Variants in P2RY12 observed in about 807,000 individuals in gnomAD.
P2RY12 encodes purinergic receptor P2Y12, also known as P2Y purinoceptor 12.
Under a neutral mutation model 4.5 loss-of-function variants are expected in P2RY12, and 3 were observed. The observed-to-expected ratio is 0.67, with a 90% CI of 0.31 to 1.74. The LOEUF is 1.74. Ranked by LOEUF, P2RY12 falls within the 40% of genes most tolerant of loss-of-function variation. P2RY12 has a pLI of 0.09. For synonymous variants in P2RY12, 148 were observed against 154.1 expected (o/e 0.96, Z 0.29); for missense variants, 356 against 407.8 (o/e 0.87, Z 1.09).
chr3:151,347,488 C>A (rs912789005), intron 1 of P2RY12, among the ~76,000 whole-genome samples: 23 of 152,302 alleles, frequency 1.5e-4, no homozygotes, highest in Admixed American at 5.2e-4. Context: ...AAGTCTACTT[C>A]CCCTCCTTCT....
At chr3:151,382,491 G>C (rs533285281) in intron 1 of P2RY12, among the ~76,000 whole-genome samples, 1 of 152,100 alleles carries the variant, frequency 6.6e-6, no homozygotes, top group East Asian at 1.9e-4. Flanking sequence ...TAAATAGCCA[G>C]ATTTCTTTCT....
chr3:151,338,021 A>T lies in P2RY12; in HGVS notation c.825T>A (p.Thr275=), dbSNP rs371436740. The T allele has an allele frequency of 6.2e-7, 1 of 1,614,048 alleles. No individual in the cohort carries two copies. Among genetic ancestry groups the T allele is most frequent in the Admixed American group, 1.7e-5 (1 of 59,988 alleles). ...GAGTGCTCTCTTTCACATAGAACAG[A>T]GTATTTTCAGCAGTGCAGTCAAAGA... The part of the protein sequence containing the change: ...RDVFDCTAEN[T]LFYVKESTLW... The change falls in exon 3 of 3, where the codon ACT becomes ACA. Residue 275 remains threonine, a synonymous_variant. Transcript: ENST00000302632.
At chr3:151,369,012 C>A (rs568338881) in intron 1 of P2RY12, among the ~76,000 whole-genome samples, 3 of 152,138 alleles carry the variant, frequency 2.0e-5, no homozygotes, top group African/African-American at 7.2e-5. Flanking sequence ...CCACCTGCCT[C>A]GGCCTCCCAA....
intron 1 of P2RY12, among the ~76,000 whole-genome samples, chr3:151,341,205 C>T (rs1258650414): frequency 6.6e-6 from 1 of 151,782 alleles, no homozygotes; most frequent in Non-Finnish European, 1.5e-5. Context: ...AGTCTCTGGC[C>T]CTTTGTTTTT....
intron 1 of P2RY12, among the ~76,000 whole-genome samples, chr3:151,362,372 T>A (rs1754718641): frequency 6.6e-6 from 1 of 152,078 alleles, no homozygotes; most frequent in Non-Finnish European, 1.5e-5. Flanking sequence ...CCTCTGTTTA[T>A]TGTGGCCACA....
intron 1 of P2RY12, among the ~76,000 whole-genome samples, chr3:151,371,055 G>A (rs1474961523): frequency 1.3e-5 from 2 of 152,230 alleles, no homozygotes; most frequent in African/African-American, 4.8e-5. Flanking sequence ...GCCTGGCACA[G>A]ACTCTCATAC....
intron 1 of P2RY12, chr3:151,384,268 A>C (rs1258035849): frequency 1.3e-6 from 2 of 1,517,906 alleles, no homozygotes; most frequent in East Asian, 2.3e-5. Flanking sequence ...TTATGGATTT[A>C]TTATCTAGTG....
chr3:151,366,467 G>A (rs754030806), intron 1 of P2RY12, among the ~76,000 whole-genome samples: 11 of 152,144 alleles, frequency 7.2e-5, no homozygotes, highest in East Asian at 3.8e-4. Flanking sequence ...GAGGATGTCC[G>A]GTGTTTTTTG....
At chr3:151,380,650 G>A (rs1012183531) in intron 1 of P2RY12, among the ~76,000 whole-genome samples, 14 of 150,434 alleles carry the variant, frequency 9.3e-5, no homozygotes, top group South Asian at 2.1e-4. Context: ...TTGAGTAGAC[G>A]CTGAGAAACA....
intron 1 of P2RY12, among the ~76,000 whole-genome samples, chr3:151,354,018 G>A (rs1293506151): frequency 1.5e-5 from 2 of 136,708 alleles, no homozygotes; most frequent in African/African-American, 5.7e-5. Context: ...GCGGGCGCCT[G>A]TAGTCCCAGC....
intron 1 of P2RY12, among the ~76,000 whole-genome samples, chr3:151,352,558 A>G (rs1275013509): frequency 1.3e-5 from 2 of 152,226 alleles, no homozygotes; most frequent in Non-Finnish European, 2.9e-5. Flanking sequence ...TTTCAGCAAC[A>G]TGAGTACTGG....
intron 1 of P2RY12, chr3:151,383,816 A>C: frequency 6.2e-7 from 1 of 1,614,022 alleles, no homozygotes; most frequent in Non-Finnish European, 8.5e-7. Flanking sequence ...AGGAGCACCC[A>C]GTGGACTACA....
chr3:151,365,286 A>C, intron 1 of P2RY12: 1 of 1,176,750 alleles, frequency 8.5e-7, no homozygotes, highest in Non-Finnish European at 1.3e-6. Context: ...TGTCGTTAGT[A>C]AGTGTCTGGA....
intron 2 of P2RY12, among the ~76,000 whole-genome samples, chr3:151,339,682 T>C (rs1014380966): frequency 2.0e-5 from 3 of 152,016 alleles, no homozygotes; most frequent in African/African-American, 7.2e-5. Context: ...TGTGTATATA[T>C]GGTCATGAGT....
chr3:151,376,791 T>G (rs754899124), intron 1 of P2RY12: 2 of 1,611,944 alleles, frequency 1.2e-6, no homozygotes, highest in African/African-American at 2.7e-5. Context: ...TTCTTTCCAT[T>G]TTTCCCAGAA....
At chr3:151,368,696 TTTCATTTCATTTCATTTCATTTCATTTC>T (rs1560087707) in intron 1 of P2RY12, among the ~76,000 whole-genome samples, 37 of 54,880 alleles carry the variant, frequency 6.7e-4, no homozygotes, top group Middle Eastern at 7.0e-3. Context: ...TTTTATTTCA[TTTCATTTCATTTCATTTCATTTCATTTC>T]ATTTCATTTC....
chr3:151,375,363 A>G (rs1455960081), intron 1 of P2RY12, among the ~76,000 whole-genome samples: 2 of 152,188 alleles, frequency 1.3e-5, no homozygotes, highest in African/African-American at 4.8e-5. Flanking sequence ...TTTATTTAGT[A>G]TAATAATTTG....
Position 151,338,656 on chromosome 3 carries a change from T to A in P2RY12, c.190A>T (p.Lys64Ter). The A allele has an allele frequency of 6.2e-7, 1 of 1,613,806 alleles. No individual in the cohort carries two copies. The highest frequency in any genetic ancestry group is 8.5e-7 in the Non-Finnish European group (1 of 1,179,914). The change falls in exon 3 of 3, where the codon AAG becomes TAG. Residue 64 changes from lysine (K) to a stop codon, truncating the protein, a stop_gained. Transcript: ENST00000302632. LOFTEE classifies it high-confidence loss of function. The stretch of plus-strand genomic sequence containing the variant: ...AGAAGATCAGAAATGACTGTGTTCT[T>A]AAGAAAAATAATAAAGTTTGATTTA... ...RSKSNFIIFL[K>*]NTVISDLLMI...
In P2RY12 at chr3:151,381,654, A is replaced by T. The variant is rs528031035; in HGVS notation, c.-180+3038T>A. ...CGGGAGGCCTTTGATCACCTCTAAA[A>T]ATAGGACCACAGCCATTCTGTATGC... On this transcript the variant is annotated intron_variant, in intron 1 of 2. Transcript: ENST00000302632. Among the ~76,000 whole-genome samples, 8 of 152,348 alleles carry T rather than the reference A, an allele frequency of 5.3e-5. No individual in the cohort carries two copies. The South Asian group carries it at 1.4e-3, about 28-fold the overall frequency.
Sources: gnomAD v4.1 joint callset for allele counts (sites outside exome capture counted in the v4.1 genomes callset) on GRCh38, gnomAD v4.1.1 for gene constraint, MANE v1.5 for transcripts, NCBI Gene and HGNC (gene_info 2026-07-23, HGNC 2026-07-21) for gene names.